Variants in SCAF8 observed in about 807,000 individuals in gnomAD.
SCAF8 encodes SR-related CTD associated factor 8, also known as SR-related and CTD-associated factor 8.
Under a neutral mutation model 140.5 loss-of-function variants are expected in SCAF8, and 23 were observed. The ratio of observed to expected loss-of-function variants is 0.16; its 90% confidence interval spans 0.12 to 0.23. SCAF8 has a LOEUF of 0.23. Among genes scored for constraint, SCAF8 ranks in the 10% least tolerant of loss-of-function variants. SCAF8 has a pLI of 1.00. For missense variants in SCAF8, 1,397 were observed against 1,555.7 expected (o/e 0.90, Z 1.72); for synonymous variants, 575 against 528.9 (o/e 1.09, Z -1.20).
intron 1 of SCAF8, among the ~76,000 whole-genome samples, chr6:154,768,972 A>G (rs763986012): frequency 2.0e-5 from 3 of 151,776 alleles, no homozygotes; most frequent in Non-Finnish European, 4.4e-5. Context: ...CTGAGGCACA[A>G]GCATCACTTG....
rs1418561314 is a variant in SCAF8, at chr6:154,798,121, C to T, written c.606+2982C>T. Among the ~76,000 whole-genome samples, 2 of 151,358 alleles carry T rather than the reference C, an allele frequency of 1.3e-5. 1 individual carries two copies. Among genetic ancestry groups the T allele is most frequent in the Non-Finnish European group, 3.0e-5 (2 of 67,736 alleles). On this transcript the variant is annotated intron_variant, in intron 6 of 19. Transcript: ENST00000367178. Reference sequence around the variant, plus strand: ...TGGAGTATACAAGACGAGCAAGAAACATTCTCGGGCCTCTGGAAGCCTAAA... The same window carrying T: ...TGGAGTATACAAGACGAGCAAGAAATATTCTCGGGCCTCTGGAAGCCTAAA...
intron 1 of SCAF8, among the ~76,000 whole-genome samples, chr6:154,738,846 CTA>C (rs1412666170): frequency 1.3e-5 from 2 of 152,174 alleles, no homozygotes; most frequent in Non-Finnish European, 2.9e-5. Flanking sequence ...AGAATGATCA[CTA>C]TGTGGAGGTC....
intron 2 of SCAF8, among the ~76,000 whole-genome samples, chr6:154,774,506 T>C (rs1433147790): frequency 6.6e-6 from 1 of 152,234 alleles, no homozygotes; most frequent in Non-Finnish European, 1.5e-5. Context: ...TTATGGAGAA[T>C]GTGTTTAACA....
At chr6:154,793,544 G>C (rs568142156) in intron 5 of SCAF8, among the ~76,000 whole-genome samples, 32 of 151,680 alleles carry the variant, frequency 2.1e-4, no homozygotes, top group African/African-American at 7.0e-4. Flanking sequence ...GCCCTGCGCA[G>C]TGACTAACAC....
At chr6:154,792,755 T>A (rs1358546544) in intron 4 of SCAF8, 68 bp from the exon 5 acceptor site, 8 of 1,089,572 alleles carry the variant, frequency 7.3e-6, no homozygotes, top group Non-Finnish European at 1.0e-5. Flanking sequence ...CCAGATAGCC[T>A]CTATGAAATG....
At chr6:154,759,695 C>T (rs1446500637) in intron 1 of SCAF8, among the ~76,000 whole-genome samples, 7 of 137,010 alleles carry the variant, frequency 5.1e-5, no homozygotes, top group African/African-American at 1.9e-4. Flanking sequence ...GATGGAGTCT[C>T]GCTCTTGTCA....
chr6:154,804,659 A>G (rs1777863209), intron 8 of SCAF8, among the ~76,000 whole-genome samples: 1 of 152,202 alleles, frequency 6.6e-6, no homozygotes, highest in Non-Finnish European at 1.5e-5. Context: ...GAAGACAGGT[A>G]TCATTCTTCC....
chr6:154,801,182 T>C (rs1777761619), intron 6 of SCAF8, among the ~76,000 whole-genome samples: 1 of 151,594 alleles, frequency 6.6e-6, no homozygotes, highest in Non-Finnish European at 1.5e-5. Flanking sequence ...GACTCTAGTT[T>C]GTTTCCTAGT....
chr6:154,738,120 G>T (rs1393826312), intron 1 of SCAF8, among the ~76,000 whole-genome samples: 1 of 151,718 alleles, frequency 6.6e-6, no homozygotes, highest in Non-Finnish European at 1.5e-5. Flanking sequence ...AGGAGTTCGA[G>T]GCTATAGAGT....
intron 1 of SCAF8, among the ~76,000 whole-genome samples, chr6:154,768,368 G>A (rs530323297): frequency 7.9e-5 from 12 of 152,170 alleles, no homozygotes; most frequent in Non-Finnish European, 1.8e-4. Flanking sequence ...AAACCTTCGA[G>A]AACTGCAAGA....
rs773029739 is a variant in SCAF8, at chr6:154,803,537, C to G, written c.784-7C>G. On this transcript the variant is annotated splice_polypyrimidine_tract_variant and splice_region_variant and intron_variant, in intron 7 of 19. Coordinates refer to ENST00000367178, the MANE Select transcript of SCAF8 (RefSeq NM_014892.5). Reference sequence around the variant, plus strand: ...TTAATATGTCTGTTTCTCCTTCTTTCCCCCAGAAGTTGATGGATAGGTTTG... The same window carrying G: ...TTAATATGTCTGTTTCTCCTTCTTTGCCCCAGAAGTTGATGGATAGGTTTG... The G allele has an allele frequency of 2.5e-6, 4 of 1,604,652 alleles. No individual in the cohort carries two copies. Among genetic ancestry groups the G allele is most frequent in the East Asian group, 2.2e-5 (1 of 44,716 alleles).
In SCAF8 at chr6:154,741,764, A is replaced by G. The variant is rs7772216; in HGVS notation, c.30+7834A>G. ...GCTTAGAATTAGTGATAGTATTACT[A>G]GTTGTATGTACAATTTCAGATATCT... On this transcript the variant is annotated intron_variant, in intron 1 of 19. Coordinates refer to ENST00000367178, the MANE Select transcript of SCAF8 (RefSeq NM_014892.5). 2.3e-3 allele frequency among the ~76,000 whole-genome samples: 347 copies of G among 152,258 alleles called. 3 individuals carry two copies. The highest frequency in any genetic ancestry group is 8.0e-3 in the African/African-American group (332 of 41,562).
chr6:154,783,730 T>G (rs183460249), intron 3 of SCAF8, among the ~76,000 whole-genome samples: 11 of 152,346 alleles, frequency 7.2e-5, no homozygotes, highest in Admixed American at 6.5e-4. Context: ...ACATTTATTC[T>G]TCTCTTTGAT....
In SCAF8 at chr6:154,763,274, T is replaced by C. The variant is rs182405935; in HGVS notation, c.31-10715T>C. Among the ~76,000 whole-genome samples the C allele has an allele frequency of 2.1e-3, 314 of 152,338 alleles. 2 individuals carry two copies. The highest frequency in any genetic ancestry group is 6.8e-3 in the Admixed American group (104 of 15,304). On this transcript the variant is annotated intron_variant, in intron 1 of 19. Transcript: ENST00000367178. The stretch of plus-strand genomic sequence containing the variant: ...TATCTGGTTAGCATGCTGTCTTGAA[T>C]TCAAAGTATGAAGATTGTGTTGGCT...
At chr6:154,794,975 A>G in intron 5 of SCAF8, 34 bp from the exon 6 acceptor site, 1 of 1,554,936 alleles carries the variant, frequency 6.4e-7, no homozygotes, top group South Asian at 1.2e-5. Flanking sequence ...TTACTTACAT[A>G]TTTATTTGGG....
chr6:154,787,455 T>C (rs1348790606), intron 3 of SCAF8, among the ~76,000 whole-genome samples: 1 of 152,252 alleles, frequency 6.6e-6, no homozygotes, highest in African/African-American at 2.4e-5. Flanking sequence ...TTCATTTGCG[T>C]AGGAACCCTT....
At chr6:154,759,356 G>A (rs1779043203) in intron 1 of SCAF8, among the ~76,000 whole-genome samples, 1 of 152,182 alleles carries the variant, frequency 6.6e-6, no homozygotes, top group Admixed American at 6.5e-5. Context: ...TTTTAGGGGA[G>A]AGTTGATTAC....
chr6:154,810,365 GAGA>G (rs3842125), intron 12 of SCAF8, among the ~76,000 whole-genome samples, 157 bp downstream of exon 12: 27,375 of 152,020 alleles, frequency 0.18, 3,129 homozygotes, highest in East Asian at 0.62. Flanking sequence ...TGATAGAGAA[GAGA>G]AGAAGAAGGA....
intron 1 of SCAF8, among the ~76,000 whole-genome samples, chr6:154,763,579 A>C (rs751930208): frequency 6.6e-5 from 10 of 152,168 alleles, no homozygotes; most frequent in African/African-American, 2.4e-4. Flanking sequence ...GAAATTGGGA[A>C]AGGCACAAAA....
Sources: gnomAD v4.1 joint callset for allele counts (sites outside exome capture counted in the v4.1 genomes callset) on GRCh38, gnomAD v4.1.1 for gene constraint, MANE v1.5 for transcripts, NCBI Gene and HGNC (gene_info 2026-07-23, HGNC 2026-07-21) for gene names.